The following COG5 variants were observed in gnomAD, a reference collection of about 807,000 sequenced individuals.
COG5 encodes the protein component of oligomeric golgi complex 5.
Under a neutral mutation model 110.4 loss-of-function variants are expected in COG5, and 86 were observed. The ratio of observed to expected loss-of-function variants is 0.78; its 90% confidence interval spans 0.65 to 0.93. The LOEUF (loss-of-function observed/expected upper bound fraction) is 0.93. COG5 is among the 40% of genes least tolerant of loss of function. The pLI is 0.00. For missense variants in COG5, 1,077 were observed against 987.0 expected (o/e 1.09, Z -1.22); for synonymous variants, 360 against 334.6 (o/e 1.08, Z -0.83).
rs1792390733 is a variant in COG5, at chr7:107,412,621, G to C, written c.550C>G (p.Gln184Glu). 1 of 1,534,450 alleles carries C rather than the reference G, an allele frequency of 6.5e-7. No individual in the cohort carries two copies. The highest frequency in any genetic ancestry group is 1.7e-5 in the Admixed American group (1 of 59,674). ...TCTATTCCAGAAAGATCTATTCCTT[G>C]AGAAAGATAATCTGTTTAAAACAAA... Reference protein sequence around the residue: ...QSLNELDYLSQGIDLSGIEVI... With the variant: ...QSLNELDYLSEGIDLSGIEVI... The change falls in exon 7 of 22, where the codon CAA becomes GAA. Residue 184 changes from glutamine (Q) to glutamate (E), a missense_variant. Coordinates refer to ENST00000297135, the MANE Select transcript of COG5 (RefSeq NM_006348.5).
At chr7:107,560,511 C>G (rs887121722) in intron 1 of COG5, among the ~76,000 whole-genome samples, 1 of 152,186 alleles carries the variant, frequency 6.6e-6, no homozygotes, top group Non-Finnish European at 1.5e-5. Context: ...TAGTTTTACA[C>G]TAACTTAGAC....
intron 2 of COG5, among the ~76,000 whole-genome samples, chr7:107,554,923 A>T (rs1194907336): frequency 6.6e-6 from 1 of 152,228 alleles, no homozygotes; most frequent in Non-Finnish European, 1.5e-5. Flanking sequence ...TTGCTATCTT[A>T]AAGAGATGTA....
chr7:107,478,360 G>C (rs1393743495), intron 6 of COG5, among the ~76,000 whole-genome samples: 1 of 151,870 alleles, frequency 6.6e-6, no homozygotes, highest in Non-Finnish European at 1.5e-5. Flanking sequence ...ATTTTTAGTT[G>C]TATGTTCTAT....
intron 6 of COG5, among the ~76,000 whole-genome samples, chr7:107,451,813 T>C (rs1041957245): frequency 1.2e-4 from 19 of 152,172 alleles, no homozygotes; most frequent in African/African-American, 4.6e-4. Context: ...ACAAATAACA[T>C]ACAAAATATG....
intron 6 of COG5, among the ~76,000 whole-genome samples, chr7:107,510,919 C>G (rs1327877769): frequency 6.6e-6 from 1 of 152,136 alleles, no homozygotes; most frequent in African/African-American, 2.4e-5. Flanking sequence ...ATTTATAGCA[C>G]TAAATGCCCA....
chr7:107,346,293 G>C (rs1198025348), intron 10 of COG5, among the ~76,000 whole-genome samples: 4 of 152,064 alleles, frequency 2.6e-5, no homozygotes, highest in African/African-American at 9.7e-5. Flanking sequence ...ACTACTGAAG[G>C]ATATTTTCTG....
chr7:107,260,692 T>TA (rs1366389109), intron 14 of COG5, among the ~76,000 whole-genome samples: 2 of 151,884 alleles, frequency 1.3e-5, no homozygotes, highest in African/African-American at 2.4e-5. Context: ...CAAAGCTACA[T>TA]AAAAAAAATT....
At chr7:107,355,514 C>T (rs778398735) in intron 10 of COG5, among the ~76,000 whole-genome samples, 11 of 152,140 alleles carry the variant, frequency 7.2e-5, no homozygotes, top group South Asian at 2.1e-4. Flanking sequence ...AAAAACTGGA[C>T]GCAACCAAAA....
intron 21 of COG5, chr7:107,209,806 C>T (rs1272441752): frequency 2.0e-6 from 2 of 984,794 alleles, no homozygotes; most frequent in African/African-American, 1.7e-5. Context: ...TGCTGAGTCC[C>T]AGTTTATGAG....
chr7:107,329,457 T>C (rs1003407341), intron 10 of COG5, among the ~76,000 whole-genome samples: 30 of 152,306 alleles, frequency 2.0e-4, no homozygotes, highest in Admixed American at 1.9e-3. Flanking sequence ...GATATGTATA[T>C]GCTGTGTATG....
intron 6 of COG5, among the ~76,000 whole-genome samples, chr7:107,420,196 GA>G (rs1359491673): frequency 6.6e-6 from 1 of 152,070 alleles, no homozygotes; most frequent in African/African-American, 2.4e-5. Context: ...TATGACCCAA[GA>G]AAAATCACTA....
At chr7:107,364,639 T>A (rs1225030477) in intron 8 of COG5, among the ~76,000 whole-genome samples, 1 of 152,160 alleles carries the variant, frequency 6.6e-6, no homozygotes, top group African/African-American at 2.4e-5. Flanking sequence ...GAAGAACTCA[T>A]CATTGGTTAG....
intron 8 of COG5, among the ~76,000 whole-genome samples, chr7:107,363,930 G>C (rs1584732034): frequency 6.6e-6 from 1 of 151,252 alleles, no homozygotes; most frequent in African/African-American, 2.4e-5. Context: ...ACTCCAGCCT[G>C]GGTAACAAGA....
At chr7:107,221,568 T>C (rs1799927163) in intron 19 of COG5, among the ~76,000 whole-genome samples, 1 of 151,860 alleles carries the variant, frequency 6.6e-6, no homozygotes. Flanking sequence ...ATTGAGACCA[T>C]CCTGGCTAAC....
At chr7:107,250,438 A>G (rs1202966063) in intron 16 of COG5, among the ~76,000 whole-genome samples, 3 of 151,960 alleles carry the variant, frequency 2.0e-5, no homozygotes, top group African/African-American at 4.8e-5. Flanking sequence ...ATGCTTATAA[A>G]AAAAGGTAAA....
At chr7:107,562,633 T>C (rs1803944400) in intron 1 of COG5, among the ~76,000 whole-genome samples, 1 of 152,224 alleles carries the variant, frequency 6.6e-6, no homozygotes, top group Admixed American at 6.5e-5. Context: ...ATCTAAAGTT[T>C]AAATTCAGTT....
rs562612295 is a variant in COG5 at position 107,376,274 on chromosome 7, C to T, written c.670-3514G>A. ...GGCTCTTCTTGATATATGACACTTC[C>T]ATATAAATTTCAAAATTGGCTTGAC... On this transcript the variant is annotated intron_variant, in intron 7 of 21. Transcript: ENST00000297135. Among the ~76,000 whole-genome samples the T allele has an allele frequency of 1.6e-3, 240 of 152,042 alleles. 1 individual carries two copies. The highest frequency in any genetic ancestry group is 5.4e-3 in the African/African-American group (226 of 41,538).
chr7:107,563,265 C>G lies in COG5; in HGVS notation c.94+538G>C, dbSNP rs1158192421. 5.9e-5 allele frequency among the ~76,000 whole-genome samples: 9 copies of G among 152,158 alleles called. 1 individual carries two copies. In the South Asian group the frequency reaches 8.3e-4, roughly 14 times the overall value. ...TGAACAAATGTCTCAAACCCTCCCCCACGTGTCACTGTAGATAACTGCCTC... is the reference window on the plus strand; with the variant it reads ...TGAACAAATGTCTCAAACCCTCCCCGACGTGTCACTGTAGATAACTGCCTC... On this transcript the variant is annotated intron_variant, in intron 1 of 21. Transcript: ENST00000297135.
intron 7 of COG5, among the ~76,000 whole-genome samples, chr7:107,396,721 G>A (rs73724070): frequency 0.013 from 2,003 of 152,092 alleles, 49 homozygotes; most frequent in African/African-American, 0.045. Flanking sequence ...AATATCTGAA[G>A]AAGACATTCT....
Sources: gnomAD v4.1 joint callset for allele counts (sites outside exome capture counted in the v4.1 genomes callset) on GRCh38, gnomAD v4.1.1 for gene constraint, MANE v1.5 for transcripts, NCBI Gene and HGNC (gene_info 2026-07-23, HGNC 2026-07-21) for gene names.